Variants in BCL9 observed in about 807,000 individuals in gnomAD.
The protein encoded by BCL9 is B-cell CLL/lymphoma 9 protein.
BCL9 carries 25 observed loss-of-function variants against 88.5 expected under a neutral mutation model. The ratio of observed to expected loss-of-function variants is 0.28; its 90% confidence interval spans 0.21 to 0.39. The LOEUF is 0.39. Ranked by LOEUF, BCL9 falls within the 10% of genes least tolerant of loss-of-function variation. The probability of loss-of-function intolerance (pLI) is 1.00; values close to 1 mark genes in which losing one functional copy is unlikely to be tolerated. For synonymous variants in BCL9, 711 were observed against 673.3 expected (o/e 1.06, Z -0.87); for missense variants, 1,817 against 1,877.8 (o/e 0.97, Z 0.60).
intron 1 of BCL9, among the ~76,000 whole-genome samples, chr1:147,583,288 CT>C: frequency 6.6e-6 from 1 of 151,716 alleles, no homozygotes; most frequent in Non-Finnish European, 1.5e-5. Context: ...TGTATTTTTA[CT>C]TTTTTTGAGA....
chr1:147,542,420 A>T (rs1654374270), intron 1 of BCL9, among the ~76,000 whole-genome samples: 1 of 152,212 alleles, frequency 6.6e-6, no homozygotes, highest in South Asian at 2.1e-4. Context: ...CTGATCAGGG[A>T]TGCTGTATGC....
Position 147,620,424 on chromosome 1 carries a change from ATGC to A in BCL9, c.2273_2275del (p.Leu758del). On this transcript the variant is annotated inframe_deletion, in exon 8 of 10. Transcript: ENST00000234739. ...GAAATTACGCCCAGGTGGCTCAGAC[ATGC>A]TGCCTGCTCAGCAGAAGATGGTGCC... The A allele has an allele frequency of 6.2e-7, 1 of 1,614,012 alleles. No homozygotes were observed. Among genetic ancestry groups the A allele is most frequent in the Non-Finnish European group, 8.5e-7 (1 of 1,179,964 alleles).
intron 1 of BCL9, among the ~76,000 whole-genome samples, chr1:147,548,807 G>A (rs1654738275): frequency 6.6e-6 from 1 of 151,892 alleles, no homozygotes; most frequent in Non-Finnish European, 1.5e-5. Context: ...CAAAAAAAAA[G>A]TATAAATACA....
chr1:147,586,937 A>T (rs1161452815), intron 1 of BCL9, among the ~76,000 whole-genome samples: 2 of 151,822 alleles, frequency 1.3e-5, no homozygotes, highest in Admixed American at 6.6e-5. Flanking sequence ...TTCCTCCGCT[A>T]TCCCTAAGCC....
intron 1 of BCL9, among the ~76,000 whole-genome samples, chr1:147,570,251 C>G (rs1326942507): frequency 6.6e-6 from 1 of 152,124 alleles, no homozygotes; most frequent in African/African-American, 2.4e-5. Flanking sequence ...GGATGGGACT[C>G]TGGAGATCCC....
At chr1:147,600,747 A>G (rs587721311) in intron 1 of BCL9, among the ~76,000 whole-genome samples, 1 of 150,340 alleles carries the variant, frequency 6.7e-6, no homozygotes, top group South Asian at 2.1e-4. Flanking sequence ...CCTGAGATGG[A>G]TAGAGGTAAA....
intron 1 of BCL9, among the ~76,000 whole-genome samples, chr1:147,594,753 G>A (rs587701849): frequency 6.6e-6 from 1 of 152,312 alleles, no homozygotes; most frequent in Non-Finnish European, 1.5e-5. Flanking sequence ...AGGGAGGAAA[G>A]GATATTCATT....
rs782623491 is a variant in BCL9, at chr1:147,620,409, C to T, written c.2254C>T (p.Pro752Ser). 1 of 1,614,036 alleles carries T rather than the reference C, an allele frequency of 6.2e-7. No homozygotes were observed. Among genetic ancestry groups the T allele is most frequent in the Non-Finnish European group, 8.5e-7 (1 of 1,179,996 alleles). The change falls in exon 8 of 10, where the codon CCA (proline) becomes TCA (serine). Residue 752 changes from proline (P) to serine (S), a missense_variant. Pro to Ser is a moderately conservative substitution (Grantham distance 74). Coordinates refer to ENST00000234739, the MANE Select transcript of BCL9 (RefSeq NM_004326.4). Reference sequence around the variant, plus strand: ...CCCTGAGGAGATGCTGAAATTACGCCCAGGTGGCTCAGACATGCTGCCTGC... The same window carrying T: ...CCCTGAGGAGATGCTGAAATTACGCTCAGGTGGCTCAGACATGCTGCCTGC... The part of the protein sequence containing the change: ...AGPEEMLKLR[P>S]GGSDMLPAQQ...
At position 147,599,932 on chromosome 1, in the gene BCL9, G is replaced by A. The variant is rs1657269993; in HGVS notation, c.-477-4845G>A. On this transcript the variant is annotated intron_variant, in intron 1 of 9. Transcript: ENST00000234739. The stretch of plus-strand genomic sequence containing the variant: ...GGGCACGAGCGACTTTCCCTGGAGG[G>A]GCGGGCCCTTGCTGGTCGCGGGGCC... Among the ~76,000 whole-genome samples, 3 of 151,900 alleles carry A rather than the reference G, an allele frequency of 2.0e-5. No homozygotes were observed. In the South Asian group the frequency reaches 6.2e-4, roughly 31 times the overall value.
chr1:147,604,647 G>A (rs1217621581), intron 1 of BCL9, 130 bp from the exon 2 acceptor site: 1 of 141,498 alleles, frequency 7.1e-6, no homozygotes, highest in East Asian at 1.9e-4. Flanking sequence ...CTCCCTTTTT[G>A]ACCTAACTGT....
chr1:147,547,844 G>A (rs1225569125), intron 1 of BCL9, among the ~76,000 whole-genome samples: 2 of 152,122 alleles, frequency 1.3e-5, no homozygotes, highest in African/African-American at 2.4e-5. Context: ...TTTGGTTACC[G>A]ATGAATGCTA....
intron 1 of BCL9, among the ~76,000 whole-genome samples, chr1:147,586,520 A>T (rs141932289): frequency 6.6e-5 from 10 of 152,102 alleles, no homozygotes; most frequent in Non-Finnish European, 1.5e-4. Flanking sequence ...TCGCCTACTA[A>T]GCCACTGAAC....
Position 147,619,252 on chromosome 1 carries a change from T to G in BCL9, c.1097T>G (p.Leu366Arg). Residue 366 changes from leucine to arginine, a missense_variant, in exon 8 of 10, where the codon CTC (leucine) becomes CGC (arginine). Coordinates refer to ENST00000234739, the MANE Select transcript of BCL9 (RefSeq NM_004326.4). The surrounding 1 kb of genome is among the most constrained non-coding windows in gnomAD (Gnocchi z 4.1). ...CACCGGGAGCGCTCCTTACAAACTC[T>G]CAGAGATATCCAGCGCATGCTTTTT... The part of the protein sequence containing the change: ...LEHRERSLQT[L>R]RDIQRMLFPD... The G allele has an allele frequency of 6.2e-7, 1 of 1,614,048 alleles. No individual in the cohort carries two copies. Among genetic ancestry groups the G allele is most frequent in the Non-Finnish European group, 8.5e-7 (1 of 1,180,016 alleles).
chr1:147,569,778 C>G (rs587774883), intron 1 of BCL9, among the ~76,000 whole-genome samples: 4 of 152,150 alleles, frequency 2.6e-5, no homozygotes, highest in African/African-American at 7.2e-5. Flanking sequence ...TGATCAGGGC[C>G]GATGGCAGTG....
chr1:147,611,498 T>A, intron 3 of BCL9, 80 bp from the exon 4 acceptor site: 1 of 343,936 alleles, frequency 2.9e-6, no homozygotes, highest in East Asian at 4.5e-5. Flanking sequence ...TGGCTAGTGC[T>A]TTCACCTTGA....
At chr1:147,606,385 G>C (rs962853678) in intron 2 of BCL9, among the ~76,000 whole-genome samples, 6 of 152,198 alleles carry the variant, frequency 3.9e-5, no homozygotes, top group Admixed American at 3.9e-4. Context: ...GACATATCTG[G>C]AATTTTGTCT....
At chr1:147,570,712 T>C (rs1473670330) in intron 1 of BCL9, among the ~76,000 whole-genome samples, 1 of 148,324 alleles carries the variant, frequency 6.7e-6, no homozygotes, top group African/African-American at 2.5e-5. Flanking sequence ...CTCAGCTCAC[T>C]GCAAACTCTG....
rs781909892 is a variant in BCL9, at chr1:147,624,972, G to C, written c.*13G>C. Reference sequence around the variant, plus strand: ...CATGATGTTTTAAGCTGCTAAGATGGGATGTGCCGATCCTTGTCAAGATGA... The same window carrying C: ...CATGATGTTTTAAGCTGCTAAGATGCGATGTGCCGATCCTTGTCAAGATGA... On this transcript the variant is annotated 3_prime_UTR_variant, in exon 10 of 10. Transcript: ENST00000234739. This position sits in a 1 kb window ranked among gnomAD's most constrained non-coding sequence, Gnocchi z 4.4. The C allele has an allele frequency of 6.3e-7, 1 of 1,596,848 alleles. No individual in the cohort carries two copies. The highest frequency in any genetic ancestry group is 8.6e-7 in the Non-Finnish European group (1 of 1,166,974).
At chr1:147,562,724 A>G (rs12089313) in intron 1 of BCL9, among the ~76,000 whole-genome samples, 1,818 of 152,316 alleles carry the variant, frequency 0.012, 47 homozygotes, top group African/African-American at 0.041. Context: ...GATGCTCTTA[A>G]GAGAAAGTGG....
Sources: gnomAD v4.1 joint callset for allele counts (sites outside exome capture counted in the v4.1 genomes callset) on GRCh38, gnomAD v4.1.1 for gene constraint, Gnocchi (gnomAD v3.1) non-coding constraint, MANE v1.5 for transcripts, NCBI Gene and HGNC (gene_info 2026-07-23, HGNC 2026-07-21) for gene names.